Variants in TFB2M observed in about 807,000 individuals in gnomAD.
The protein encoded by TFB2M is transcription factor B2, mitochondrial.
TFB2M carries 44 observed loss-of-function variants against 41.3 expected under a neutral mutation model. That is an observed-to-expected ratio of 1.07 (90% confidence interval 0.84 to 1.37). The LOEUF (loss-of-function observed/expected upper bound fraction) is 1.37. TFB2M is among the 40% of genes most tolerant of loss of function. The pLI is 0.00. For synonymous variants in TFB2M, 188 were observed against 176.8 expected (o/e 1.06, Z -0.50); for missense variants, 496 against 490.2 (o/e 1.01, Z -0.11).
chr1:246,541,346 G>C (rs1658850259), intron 7 of TFB2M, 144 bp from the exon 8 acceptor site: 2 of 744,458 alleles, frequency 2.7e-6, no homozygotes, highest in Non-Finnish European at 2.1e-6. Context: ...AGAATCAGCA[G>C]GGAAGAGGAT....
At chr1:246,556,004 T>C (rs1298310347) in intron 4 of TFB2M, among the ~76,000 whole-genome samples, 2 of 152,166 alleles carry the variant, frequency 1.3e-5, no homozygotes, top group South Asian at 2.1e-4. Context: ...TTAGCCAAAC[T>C]GGTCTCGAAC....
chr1:246,565,336 C>T (rs971506990), intron 1 of TFB2M, among the ~76,000 whole-genome samples: 1 of 152,194 alleles, frequency 6.6e-6, no homozygotes, highest in African/African-American at 2.4e-5. Flanking sequence ...CAAGCTGCTA[C>T]AGAAATACTT....
At chr1:246,544,998 G>T (rs991561620) in intron 6 of TFB2M, among the ~76,000 whole-genome samples, 2 of 151,772 alleles carry the variant, frequency 1.3e-5, no homozygotes, top group African/African-American at 4.8e-5. Context: ...GTAGAGATGG[G>T]GTTTCACCGT....
At chr1:246,565,212 T>C (rs1261551897) in intron 1 of TFB2M, among the ~76,000 whole-genome samples, 2 of 152,232 alleles carry the variant, frequency 1.3e-5, no homozygotes, top group East Asian at 1.9e-4. Flanking sequence ...CTATGGTCTA[T>C]AGGGAATGCA....
At chr1:246,542,433 G>A (rs898219486) in intron 7 of TFB2M, among the ~76,000 whole-genome samples, 54 of 151,984 alleles carry the variant, frequency 3.6e-4, no homozygotes, top group African/African-American at 1.3e-3. Flanking sequence ...AGCACTTTGG[G>A]GGGCTAGGTG....
At position 246,540,750 on chromosome 1, in the gene TFB2M, G is replaced by A. The variant is rs777844402; in HGVS notation, c.*281C>T. Reference sequence around the variant, plus strand: ...CAAGAAGATGCAAAAATCAGCAACAGTACAAGTGAAATATTTAAATAGGAA... The same window carrying A: ...CAAGAAGATGCAAAAATCAGCAACAATACAAGTGAAATATTTAAATAGGAA... On this transcript the variant is annotated 3_prime_UTR_variant, in exon 8 of 8. Coordinates refer to ENST00000366514, the MANE Select transcript of TFB2M (RefSeq NM_022366.3). 4 of 319,486 alleles carry A rather than the reference G, an allele frequency of 1.3e-5. No homozygotes were observed. The highest frequency in any genetic ancestry group is 2.3e-5 in the Non-Finnish European group (4 of 173,272). 19.8% of individuals were successfully genotyped at this position (319,486 alleles called of 1,614,324 possible).
intron 5 of TFB2M, among the ~76,000 whole-genome samples, chr1:246,550,770 C>T (rs1288976622): frequency 1.3e-5 from 2 of 152,224 alleles, no homozygotes; most frequent in Non-Finnish European, 2.9e-5. Flanking sequence ...GTAGTCCCAG[C>T]TACTCGGGAG....
At chr1:246,565,721 A>G in intron 1 of TFB2M, 105 bp downstream of exon 1, 4 of 1,269,712 alleles carry the variant, frequency 3.2e-6, no homozygotes, top group South Asian at 3.0e-5. Flanking sequence ...AAAGCAAAAG[A>G]ACAACAAAAA....
chr1:246,562,083 G>A lies in TFB2M; in HGVS notation c.402+2263C>T, dbSNP rs557709496. The stretch of plus-strand genomic sequence containing the variant: ...AATTAAATAACCTAGCTAAAACCTT[G>A]AACTCTTTTCAAAACAGTAAGTGGT... On this transcript the variant is annotated intron_variant, in intron 2 of 7. Coordinates refer to ENST00000366514, the MANE Select transcript of TFB2M (RefSeq NM_022366.3). 4.3e-4 allele frequency among the ~76,000 whole-genome samples: 65 copies of A among 152,080 alleles called. 1 individual carries two copies. In the South Asian group the frequency reaches 0.013, roughly 30 times the overall value.
In TFB2M at chr1:246,561,489, C is replaced by T. The variant is rs569531017; in HGVS notation, c.402+2857G>A. ...TGAAGGTTTTTTTTTTCTTTTGAGACTGAGTTTTGCTCCTGTAGCCCAGGC... is the reference window on the plus strand; with the variant it reads ...TGAAGGTTTTTTTTTTCTTTTGAGATTGAGTTTTGCTCCTGTAGCCCAGGC... On this transcript the variant is annotated intron_variant, in intron 2 of 7. Coordinates refer to ENST00000366514, the MANE Select transcript of TFB2M (RefSeq NM_022366.3). Among the ~76,000 whole-genome samples, 6 of 151,486 alleles carry T rather than the reference C, an allele frequency of 4.0e-5. No homozygotes were observed. In the South Asian group the frequency reaches 1.2e-3, roughly 32 times the overall value.
At chr1:246,563,796 AAG>A (rs1299725549) in intron 2 of TFB2M, among the ~76,000 whole-genome samples, 1 of 152,226 alleles carries the variant, frequency 6.6e-6, no homozygotes, top group East Asian at 1.9e-4. Flanking sequence ...TGGAACAAAA[AAG>A]GAATTTTTAG....
intron 7 of TFB2M, 28 bp from the exon 8 acceptor site, chr1:246,541,230 C>T (rs1658847026): frequency 6.2e-7 from 1 of 1,602,108 alleles, no homozygotes; most frequent in African/African-American, 1.3e-5. Context: ...AGTAAATGTA[C>T]TTAATTCTTT....
chr1:246,544,831 A>G (rs984550287), intron 6 of TFB2M, 150 bp from the exon 7 acceptor site: 1 of 656,010 alleles, frequency 1.5e-6, no homozygotes, highest in Non-Finnish European at 2.4e-6. Flanking sequence ...TTGGAGATAG[A>G]GTCTCACTCT....
In TFB2M at chr1:246,551,258, T is replaced by C; in HGVS notation, c.750A>G (p.Leu250=). 6.2e-7 allele frequency: 1 copy of C among 1,613,918 alleles called. No individual in the cohort carries two copies. Among genetic ancestry groups the C allele is most frequent in the Non-Finnish European group, 8.5e-7 (1 of 1,179,782 alleles). ...CACAAGCTAATTGCCAGATAACACT[T>C]AATACATGATACAAGTCTGGATTTC... The part of the protein sequence containing the change: ...DPGNPDLYHV[L]SVIWQLACEI... The change falls in exon 5 of 8, where the codon TTA becomes TTG. Residue 250 remains leucine, a synonymous_variant. Coordinates refer to ENST00000366514, the MANE Select transcript of TFB2M (RefSeq NM_022366.3).
Position 246,564,392 on chromosome 1 carries a change from T to A in TFB2M, c.356A>T (p.Lys119Ile). 6.2e-7 allele frequency: 1 copy of A among 1,614,202 alleles called. No homozygotes were observed. Among genetic ancestry groups the A allele is most frequent in the South Asian group, 1.1e-5 (1 of 91,090 alleles). Residue 119 changes from lysine (K) to isoleucine (I), a missense_variant, in exon 2 of 8, where the codon AAA becomes ATA. Transcript: ENST00000366514. ...LTQALLEAGA[K>I]VVALESDKTF... is the part of the protein sequence containing the mutation. Reference sequence around the variant, plus strand: ...TTTGTCACTTTCGAGCGCAACCACTTTGGCACCAGCTTCAAGTAATGCCTG... The same window carrying A: ...TTTGTCACTTTCGAGCGCAACCACTATGGCACCAGCTTCAAGTAATGCCTG...
At chr1:246,560,429 G>A (rs1380640386) in intron 2 of TFB2M, among the ~76,000 whole-genome samples, 1 of 152,102 alleles carries the variant, frequency 6.6e-6, no homozygotes, top group Non-Finnish European at 1.5e-5. Context: ...AGGCTGAGGT[G>A]GGAGAATCAC....
At position 246,541,061 on chromosome 1, in the gene TFB2M, C is replaced by T. The variant is rs747987612; in HGVS notation, c.1161G>A (p.Trp387Ter). The T allele has an allele frequency of 4.3e-6, 7 of 1,613,018 alleles. No individual in the cohort carries two copies. The Admixed American group carries it at 1.2e-4, about 27-fold the overall frequency. Residue 387 changes from tryptophan to a stop codon, truncating the protein, a stop_gained, in exon 8 of 8, where the codon TGG becomes TGA. Coordinates refer to ENST00000366514, the MANE Select transcript of TFB2M (RefSeq NM_022366.3). LOFTEE classifies it high-confidence loss of function. The part of the protein sequence containing the change: ...IERSKDCAYK[W>*]LYDETLEDR The stretch of plus-strand genomic sequence containing the variant: ...TATCTTCCAGGGTTTCATCATACAG[C>T]CATTTATAAGCACAATCTTTGGAAC...
intron 1 of TFB2M, 142 bp from the exon 2 acceptor site, chr1:246,564,576 T>C: frequency 1.5e-6 from 1 of 667,862 alleles, no homozygotes; most frequent in Non-Finnish European, 2.6e-6. Context: ...ACTCTCCTTT[T>C]TACATATAAG....
In TFB2M at chr1:246,541,124, G is replaced by A. The variant is rs748172334; in HGVS notation, c.1098C>T (p.His366=). 6.2e-7 allele frequency: 1 copy of A among 1,613,910 alleles called. No individual in the cohort carries two copies. Among genetic ancestry groups the A allele is most frequent in the Admixed American group, 1.7e-5 (1 of 60,002 alleles). ...KQEDEKVVNM[H]PQDFKTLFET... is the part of the protein sequence containing the mutation. Reference sequence around the variant, plus strand: ...CAAAAAGTGTTTTGAAGTCTTGAGGGTGCATGTTAACTACTTTCTCATCCT... The same window carrying A: ...CAAAAAGTGTTTTGAAGTCTTGAGGATGCATGTTAACTACTTTCTCATCCT... The change falls in exon 8 of 8, where the codon CAC becomes CAT. Residue 366 remains histidine (H), a synonymous_variant. Coordinates refer to ENST00000366514, the MANE Select transcript of TFB2M (RefSeq NM_022366.3).
Sources: allele counts gnomAD v4.1 joint callset (sites outside exome capture counted in the v4.1 genomes callset), GRCh38; gene constraint gnomAD v4.1.1; transcripts MANE v1.5; gene names NCBI Gene and HGNC (gene_info 2026-07-23, HGNC 2026-07-21).